Variants in ANKRD13A observed in about 807,000 individuals in gnomAD.
ANKRD13A encodes ankyrin repeat domain 13A.
In ANKRD13A, 48 loss-of-function variants were observed where a neutral mutation model predicts 81.3. The ratio of observed to expected loss-of-function variants is 0.59; its 90% confidence interval spans 0.47 to 0.75. ANKRD13A has a LOEUF of 0.75. Ranked by LOEUF, ANKRD13A falls within the 30% of genes least tolerant of loss-of-function variation. The pLI is 0.00. For synonymous variants in ANKRD13A, 230 were observed against 270.1 expected (o/e 0.85, Z 1.45); for missense variants, 612 against 734.0 (o/e 0.83, Z 1.92).
At chr12:110,010,996 T>C (rs893392371) in intron 1 of ANKRD13A, among the ~76,000 whole-genome samples, 70 of 152,044 alleles carry the variant, frequency 4.6e-4, no homozygotes, top group African/African-American at 1.6e-3. Flanking sequence ...TCCCAGCTAC[T>C]AGGGAGGCTG....
chr12:109,999,344 G>A (rs1889810200), upstream of ANKRD13A: 1 of 157,636 alleles, frequency 6.3e-6, no homozygotes, highest in Non-Finnish European at 1.4e-5. The surrounding 1 kb of genome is among the most constrained non-coding windows in gnomAD (Gnocchi z 4.3). Context: ...GCGGACCCCG[G>A]ACCCGGTGCC....
At chr12:110,025,699 T>G in intron 7 of ANKRD13A, 43 bp from the exon 8 acceptor site, 1 of 1,500,254 alleles carries the variant, frequency 6.7e-7, no homozygotes, top group East Asian at 2.4e-5. Context: ...TTTTGGAGTT[T>G]TGATTCCCTG....
At position 110,036,310 on chromosome 12, in the gene ANKRD13A, A is replaced by G. The variant is rs370650390; in HGVS notation, c.1559A>G (p.Tyr520Cys). Residue 520 changes from tyrosine to cysteine, a missense_variant, in exon 14 of 15, where the codon TAT (tyrosine) becomes TGT (cysteine). By Grantham distance (194) the Tyr-to-Cys change is radical. Transcript: ENST00000261739. This position sits in a 1 kb window ranked among gnomAD's most constrained non-coding sequence, Gnocchi z 4.6. ...SNGGISQTNTYDAQYERAIQE... is the reference protein window; with the variant it reads ...SNGGISQTNTCDAQYERAIQE... ...GGAGGGATCAGCCAGACAAACACCT[A>G]TGACGCCCAGTATGAGAGGTGATTG... 1.1e-4 allele frequency: 173 copies of G among 1,613,882 alleles called. No individual in the cohort carries two copies. The highest frequency in any genetic ancestry group is 1.4e-4 in the Non-Finnish European group (163 of 1,179,892).
At chr12:110,026,856 T>C (rs981938742) in intron 8 of ANKRD13A, among the ~76,000 whole-genome samples, 10 of 152,156 alleles carry the variant, frequency 6.6e-5, no homozygotes. Context: ...CACTCCAGCC[T>C]GGGTGACAGA....
chr12:110,032,243 T>C (rs1891736913), intron 12 of ANKRD13A: 1 of 152,210 alleles, frequency 6.6e-6, no homozygotes, highest in Admixed American at 6.5e-5. Context: ...CTTATATTTC[T>C]AGTTTGCTGA....
chr12:110,037,447 C>G lies in ANKRD13A; in HGVS notation c.1666C>G (p.Leu556Val), dbSNP rs1293444526. The G allele has an allele frequency of 3.7e-6, 6 of 1,614,130 alleles. No homozygotes were observed. Among genetic ancestry groups the G allele is most frequent in the Admixed American group, 3.3e-5 (2 of 60,012 alleles). Residue 556 changes from leucine (L) to valine (V), a missense_variant, in exon 15 of 15, where the codon CTA becomes GTA. Transcript: ENST00000261739. The stretch of plus-strand genomic sequence containing the variant: ...AAGCCGTTTTGATAATGACTTGCAG[C>G]TAGCCATGGAGCTCTCTGCCAAAGA... ...ETSRFDNDLQ[L>V]AMELSAKELE...
At position 110,036,083 on chromosome 12, in the gene ANKRD13A, C is replaced by T; in HGVS notation, c.1510-178C>T. Reference sequence around the variant, plus strand: ...GAGTTAGGCTGTGGCATGTTACTACCTCCCACTTAGGTGTTGTTTTTGAGG... The same window carrying T: ...GAGTTAGGCTGTGGCATGTTACTACTTCCCACTTAGGTGTTGTTTTTGAGG... On this transcript the variant is annotated intron_variant, in intron 13 of 14. Coordinates refer to ENST00000261739, the MANE Select transcript of ANKRD13A (RefSeq NM_033121.2). The surrounding 1 kb of genome is among the most constrained non-coding windows in gnomAD (Gnocchi z 4.6). 1.7e-6 allele frequency: 1 copy of T among 598,774 alleles called. No individual in the cohort carries two copies. Among genetic ancestry groups the T allele is most frequent in the South Asian group, 1.8e-5 (1 of 54,726 alleles). 37.1% of individuals were successfully genotyped at this position (598,774 alleles called of 1,614,324 possible).
At chr12:110,010,139 T>G (rs1890440195) in intron 1 of ANKRD13A, among the ~76,000 whole-genome samples, 1 of 152,230 alleles carries the variant, frequency 6.6e-6, no homozygotes, top group Admixed American at 6.5e-5. Context: ...AGTGCTGGGA[T>G]TACAGGCATG....
At position 110,023,925 on chromosome 12, in the gene ANKRD13A, A is replaced by G. The variant is rs1296992319; in HGVS notation, c.735-121A>G. The G allele has an allele frequency of 5.2e-6, 5 of 960,472 alleles. No individual in the cohort carries two copies. In the African/African-American group the frequency reaches 6.5e-5, roughly 13 times the overall value. The allele number at this position is 960,472 out of a possible 1,614,324, so 59.5% of individuals were successfully genotyped here. A position where few individuals can be genotyped will look rare whatever the true frequency, so the allele number is the denominator to read the frequency against. On this transcript the variant is annotated intron_variant, in intron 6 of 14. Coordinates refer to ENST00000261739, the MANE Select transcript of ANKRD13A (RefSeq NM_033121.2). The stretch of plus-strand genomic sequence containing the variant: ...ACCGCCTCCTGTGGACAATAGGACC[A>G]TGATTTCCAAGTGTCCTTCACTAAC...
At chr12:110,016,314 C>T in intron 3 of ANKRD13A, 74 bp from the exon 4 acceptor site, 1 of 1,109,748 alleles carries the variant, frequency 9.0e-7, no homozygotes, top group Non-Finnish European at 1.2e-6. Flanking sequence ...TTTTTAAGAA[C>T]CCTGTTAACC....
intron 3 of ANKRD13A, among the ~76,000 whole-genome samples, chr12:110,015,529 T>C (rs939813344): frequency 1.3e-5 from 2 of 152,198 alleles, no homozygotes; most frequent in African/African-American, 4.8e-5. Flanking sequence ...TCCAATCCTC[T>C]TATTCTCTTG....
At position 110,037,520 on chromosome 12, in the gene ANKRD13A, A is replaced by G; in HGVS notation, c.1739A>G (p.Gln580Arg). ...CTCCAGGAGGAAGAGGCTGAGCTCC[A>G]GCAAGTCTTACAGCTGTCACTCACT... ...LRLQEEEAELQQVLQLSLTDK is the reference protein window; with the variant it reads ...LRLQEEEAELRQVLQLSLTDK The change falls in exon 15 of 15, where the codon CAG becomes CGG. Residue 580 changes from glutamine to arginine, a missense_variant. Gln to Arg is a conservative substitution (Grantham distance 43, BLOSUM62 1). Transcript: ENST00000261739. 1 of 1,613,980 alleles carries G rather than the reference A, an allele frequency of 6.2e-7. No individual in the cohort carries two copies. The highest frequency in any genetic ancestry group is 1.7e-4 in the Middle Eastern group (1 of 5,886).
Position 109,999,877 on chromosome 12 carries a change from C to T in ANKRD13A, c.96+93C>T, listed in dbSNP as rs1246262953. 1 of 1,173,510 alleles carries T rather than the reference C, an allele frequency of 8.5e-7. No homozygotes were observed. Among genetic ancestry groups the T allele is most frequent in the Non-Finnish European group, 1.2e-6 (1 of 860,378 alleles). The allele number at this position is 1,173,510 out of a possible 1,614,324, so 72.7% of individuals were successfully genotyped here. ...CTGAGCCCATTTCCAGCCCTCTGTCCCCGGGATCCCCAGACCCCTTCCACT... is the reference window on the plus strand; with the variant it reads ...CTGAGCCCATTTCCAGCCCTCTGTCTCCGGGATCCCCAGACCCCTTCCACT... On this transcript the variant is annotated intron_variant, in intron 1 of 14. Coordinates refer to ENST00000261739, the MANE Select transcript of ANKRD13A (RefSeq NM_033121.2). The surrounding 1 kb of genome is among the most constrained non-coding windows in gnomAD (Gnocchi z 4.3).
chr12:110,033,341 C>T (rs1023100313), intron 12 of ANKRD13A, among the ~76,000 whole-genome samples: 3 of 151,694 alleles, frequency 2.0e-5, no homozygotes, highest in Non-Finnish European at 4.4e-5. Flanking sequence ...GGACTACAGG[C>T]GTGAGCCACC....
intron 6 of ANKRD13A, 69 bp from the exon 7 acceptor site, chr12:110,023,977 A>G: frequency 6.8e-7 from 1 of 1,476,140 alleles, no homozygotes; most frequent in Non-Finnish European, 9.3e-7. Flanking sequence ...AAAAACTATA[A>G]AGGCTACAGA....
At position 110,025,768 on chromosome 12, in the gene ANKRD13A, G is replaced by T; in HGVS notation, c.828G>T (p.Val276=). Residue 276 remains valine, a synonymous_variant, in exon 8 of 15, where the codon GTG becomes GTT. Transcript: ENST00000261739. The part of the protein sequence containing the change: ...AKVYTVNNVN[V]ITKIRTEHLT... Reference sequence around the variant, plus strand: ...TTTACACAGTAAACAATGTGAATGTGATCACCAAAATACGCACAGAACATC... The same window carrying T: ...TTTACACAGTAAACAATGTGAATGTTATCACCAAAATACGCACAGAACATC... The T allele has an allele frequency of 6.2e-7, 1 of 1,613,492 alleles. No individual in the cohort carries two copies. The highest frequency in any genetic ancestry group is 8.5e-7 in the Non-Finnish European group (1 of 1,179,804).
In ANKRD13A at chr12:110,018,084, T is replaced by C. The variant is rs1398365021; in HGVS notation, c.401-261T>C. ...TATATAGTGGGGACAGACCCCACTATAAATTGGGGCTCATTTCAGGATCAA... is the reference window on the plus strand; with the variant it reads ...TATATAGTGGGGACAGACCCCACTACAAATTGGGGCTCATTTCAGGATCAA... On this transcript the variant is annotated intron_variant, in intron 4 of 14. Coordinates refer to ENST00000261739, the MANE Select transcript of ANKRD13A (RefSeq NM_033121.2). This position sits in a 1 kb window ranked among gnomAD's most constrained non-coding sequence, Gnocchi z 4.4. Among the ~76,000 whole-genome samples, 1 of 152,240 alleles carries C rather than the reference T, an allele frequency of 6.6e-6. No individual in the cohort carries two copies. The highest frequency in any genetic ancestry group is 2.4e-5 in the African/African-American group (1 of 41,472).
At position 109,999,825 on chromosome 12, in the gene ANKRD13A, C is replaced by CG; in HGVS notation, c.96+45dup. 6.8e-7 allele frequency: 1 copy of CG among 1,475,668 alleles called. No individual in the cohort carries two copies. The highest frequency in any genetic ancestry group is 9.1e-7 in the Non-Finnish European group (1 of 1,102,814). 91.4% of individuals were successfully genotyped at this position (1,475,668 alleles called of 1,614,324 possible). On this transcript the variant is annotated intron_variant, in intron 1 of 14. Coordinates refer to ENST00000261739, the MANE Select transcript of ANKRD13A (RefSeq NM_033121.2). This position sits in a 1 kb window ranked among gnomAD's most constrained non-coding sequence, Gnocchi z 4.3. The stretch of plus-strand genomic sequence containing the variant: ...GGGGTCCGTCTCCCGGTGGGGACTT[C>CG]GGGGAATCGGGGGTCGTTTCGCCTC...
At chr12:110,016,262 T>G in intron 3 of ANKRD13A, 126 bp from the exon 4 acceptor site, 1 of 728,742 alleles carries the variant, frequency 1.4e-6, no homozygotes, top group Non-Finnish European at 2.0e-6. Flanking sequence ...GCTTACATTT[T>G]ATTTCTTCTT....
Sources: gnomAD v4.1 joint callset for allele counts (sites outside exome capture counted in the v4.1 genomes callset) on GRCh38, gnomAD v4.1.1 for gene constraint, Gnocchi (gnomAD v3.1) non-coding constraint, MANE v1.5 for transcripts, NCBI Gene and HGNC (gene_info 2026-07-23, HGNC 2026-07-21) for gene names.